TMED8: variants seen among roughly 807,000 people sequenced by gnomAD.
TMED8 encodes protein TMED8.
In TMED8, 15 loss-of-function variants were observed where a neutral mutation model predicts 32.7. The ratio of observed to expected loss-of-function variants is 0.46; its 90% CI spans 0.31 to 0.71. The LOEUF (loss-of-function observed/expected upper bound fraction) is 0.71. Ranked by LOEUF, TMED8 falls within the 30% of genes least tolerant of loss-of-function variation. TMED8 has a pLI of 0.06. For missense variants in TMED8, 390 were observed against 423.9 expected, an observed-to-expected ratio of 0.92 and a Z score of 0.70; for synonymous variants, 147 against 161.4, an observed-to-expected ratio of 0.91 and a Z score of 0.68.
chr14:77,373,205 C>T (rs1893737781), intron 1 of TMED8, among the ~76,000 whole-genome samples: 1 of 151,008 alleles, frequency 6.6e-6, no homozygotes, highest in South Asian at 2.1e-4. Context: ...CCATCCTCAA[C>T]ATCTAAATGT....
chr14:77,367,561 A>G (rs1341769125), intron 1 of TMED8, among the ~76,000 whole-genome samples: 1 of 152,182 alleles, frequency 6.6e-6, no homozygotes, highest in Non-Finnish European at 1.5e-5. Context: ...TGAATTCCAT[A>G]TAAAGGAAAA....
chr14:77,349,702 G>A (rs1433947076), intron 2 of TMED8, among the ~76,000 whole-genome samples: 2 of 152,118 alleles, frequency 1.3e-5, no homozygotes, highest in African/African-American at 2.4e-5. Context: ...CACTGTTTCT[G>A]CCCTTACCCA....
Position 77,343,428 on chromosome 14 carries a change from T to C in TMED8, c.510A>G (p.Glu170=). 2 of 1,613,892 alleles carry C rather than the reference T, an allele frequency of 1.2e-6. No individual in the cohort carries two copies. Among genetic ancestry groups the C allele is most frequent in the Non-Finnish European group, 8.5e-7 (1 of 1,179,878 alleles). ...PCIWTFAKVK[E]FKSKLGKEKN... Reference sequence around the variant, plus strand: ...TCTCTTTGCCCAGCTTGCTTTTGAATTCCTTCACCTTGGCAAAGGTCCAGA... The same window carrying C: ...TCTCTTTGCCCAGCTTGCTTTTGAACTCCTTCACCTTGGCAAAGGTCCAGA... Residue 170 remains glutamate, a synonymous_variant, in exon 5 of 6, where the codon GAA becomes GAG. Coordinates refer to ENST00000216468, the MANE Select transcript of TMED8 (RefSeq NM_213601.3).
chr14:77,343,479 G>C lies in TMED8; in HGVS notation c.459C>G (p.Ser153=). ...TGCATGGAGGAGCCATCAGAGGTGG[G>C]GAGACTGAAAGGACAAGCAGCTTAG... ...ADLLGDHRKV[S]PPLMAPPCIW... Residue 153 remains serine (S), a synonymous_variant, in exon 5 of 6, where the codon TCC becomes TCG. Coordinates refer to ENST00000216468, the MANE Select transcript of TMED8 (RefSeq NM_213601.3). The C allele has an allele frequency of 1.2e-6, 2 of 1,613,098 alleles. No individual in the cohort carries two copies. Among genetic ancestry groups the C allele is most frequent in the Non-Finnish European group, 1.7e-6 (2 of 1,179,610 alleles).
At chr14:77,360,645 A>C (rs1893415216) in intron 1 of TMED8, among the ~76,000 whole-genome samples, 1 of 152,184 alleles carries the variant, frequency 6.6e-6, no homozygotes, top group Non-Finnish European at 1.5e-5. Flanking sequence ...GGCTATTGTG[A>C]ATAATGCGAC....
chr14:77,356,004 T>G (rs1339860870), intron 1 of TMED8, among the ~76,000 whole-genome samples: 1 of 152,132 alleles, frequency 6.6e-6, no homozygotes, highest in Non-Finnish European at 1.5e-5. Flanking sequence ...AGTACAATGA[T>G]GCATTCAAGT....
chr14:77,376,713 G>C lies in TMED8; in HGVS notation c.118+223C>G. 3.0e-6 allele frequency: 1 copy of C among 331,374 alleles called. No individual in the cohort carries two copies. Among genetic ancestry groups the C allele is most frequent in the Non-Finnish European group, 5.4e-6 (1 of 183,498 alleles). 20.5% of individuals were successfully genotyped at this position (331,374 alleles called of 1,614,324 possible). A position where few individuals can be genotyped will look rare whatever the true frequency, so the allele number is the denominator to read the frequency against. On this transcript the variant is annotated intron_variant, in intron 1 of 5. Transcript: ENST00000216468. This position sits in a 1 kb window ranked among gnomAD's most constrained non-coding sequence, Gnocchi z 4.0. ...GGGCAGATCTCAGAAAGGAAGCGGG[G>C]CAGGAATCAAGGCATTTCGAAACAG... is the stretch of plus-strand genomic sequence containing the variant.
chr14:77,363,241 G>T (rs922970644), intron 1 of TMED8, among the ~76,000 whole-genome samples: 3 of 152,014 alleles, frequency 2.0e-5, no homozygotes, highest in Non-Finnish European at 4.4e-5. Context: ...ATTTATAACT[G>T]AAATCATAAC....
At chr14:77,367,715 C>A in intron 1 of TMED8, among the ~76,000 whole-genome samples, 1 of 149,746 alleles carries the variant, frequency 6.7e-6, no homozygotes. Context: ...TTTTCTGAGA[C>A]AGAATCTCAC....
intron 1 of TMED8, among the ~76,000 whole-genome samples, chr14:77,353,652 T>A (rs982635476): frequency 6.6e-6 from 1 of 151,364 alleles, no homozygotes; most frequent in Non-Finnish European, 1.5e-5. Context: ...GATGGGGGTC[T>A]CACTATGTTG....
At chr14:77,372,815 T>C (rs561994698) in intron 1 of TMED8, among the ~76,000 whole-genome samples, 3 of 149,114 alleles carry the variant, frequency 2.0e-5, no homozygotes, top group African/African-American at 7.4e-5. Context: ...TCAAGGCTGT[T>C]TGTCATTGAC....
chr14:77,343,898 C>A, intron 3 of TMED8, 75 bp from the exon 4 acceptor site: 1 of 1,507,016 alleles, frequency 6.6e-7, no homozygotes, highest in Non-Finnish European at 9.0e-7. Flanking sequence ...ATGAAGGCTG[C>A]CCCACCCCTG....
intron 1 of TMED8, among the ~76,000 whole-genome samples, chr14:77,374,015 G>C (rs1893757619): frequency 6.6e-6 from 1 of 152,054 alleles, no homozygotes; most frequent in Non-Finnish European, 1.5e-5. Flanking sequence ...CACACTTCCT[G>C]TACACCCTGC....
chr14:77,371,206 G>A (rs1041389240), intron 1 of TMED8, among the ~76,000 whole-genome samples: 1 of 152,120 alleles, frequency 6.6e-6, no homozygotes, highest in Non-Finnish European at 1.5e-5. Context: ...AGTCAAAGGG[G>A]CATATATTGT....
intron 3 of TMED8, among the ~76,000 whole-genome samples, chr14:77,344,366 C>T (rs776848415): frequency 6.6e-5 from 10 of 152,254 alleles, no homozygotes; most frequent in Admixed American, 1.3e-4. Context: ...CCACAGCCCA[C>T]CTCGGGCTAC....
intron 1 of TMED8, among the ~76,000 whole-genome samples, chr14:77,373,995 A>T (rs1405160913): frequency 6.6e-6 from 1 of 152,194 alleles, no homozygotes; most frequent in Non-Finnish European, 1.5e-5. Context: ...CCAGAAACAG[A>T]TACCAACACC....
rs548300974 is a variant in TMED8, at chr14:77,358,970, C to T, written c.119-7219G>A. On this transcript the variant is annotated intron_variant, in intron 1 of 5. Coordinates refer to ENST00000216468, the MANE Select transcript of TMED8 (RefSeq NM_213601.3). ...TGACCCAGGCTGGAGTACAGTGGTGCGATCACAGCTCAATGCAGTCTCAAC... is the reference window on the plus strand; with the variant it reads ...TGACCCAGGCTGGAGTACAGTGGTGTGATCACAGCTCAATGCAGTCTCAAC... Among the ~76,000 whole-genome samples, 12 of 152,124 alleles carry T rather than the reference C, an allele frequency of 7.9e-5. No homozygotes were observed. In the South Asian group the frequency reaches 1.9e-3, roughly 24 times the overall value.
chr14:77,346,249 G>A (rs931252467), intron 3 of TMED8, 100 bp downstream of exon 3: 33 of 1,278,530 alleles, frequency 2.6e-5, no homozygotes, highest in South Asian at 5.9e-5. Context: ...AGAGAATTCC[G>A]GGAGCCACCC....
chr14:77,351,554 C>A (rs1487383957), intron 2 of TMED8, 119 bp downstream of exon 2: 15 of 930,318 alleles, frequency 1.6e-5, no homozygotes, highest in Middle Eastern at 3.1e-4. Context: ...AGCCACTGCG[C>A]CCGGCCCACA....
Sources: gnomAD v4.1 joint callset for allele counts (sites outside exome capture counted in the v4.1 genomes callset) on GRCh38, gnomAD v4.1.1 for gene constraint, Gnocchi (gnomAD v3.1) non-coding constraint, MANE v1.5 for transcripts, NCBI Gene and HGNC (gene_info 2026-07-23, HGNC 2026-07-21) for gene names.